Variants in LYRM4 observed in about 807,000 individuals in gnomAD.
LYRM4 encodes the protein LYR motif containing 4.
LYRM4 carries 9 observed loss-of-function variants against 11.7 expected under a neutral mutation model. The observed-to-expected ratio is 0.77, with a 90% CI of 0.46 to 1.34. The LOEUF is 1.34. Ranked by LOEUF, LYRM4 falls within the 40% of genes most tolerant of loss-of-function variation. The pLI is 0.00. For missense variants in LYRM4, 133 were observed against 112.5 expected (o/e 1.18, Z -0.82); for synonymous variants, 42 against 40.4 (o/e 1.04, Z -0.15).
chr6:5,043,522 A>C, the LYRM4 span: 1 of 152,292 alleles, frequency 6.6e-6, no homozygotes, highest in African/African-American at 2.4e-5. Flanking sequence ...TTTGATGTTA[A>C]AGTGTCACAG....
chr6:5,115,586 C>T (rs1763082482), intron 2 of LYRM4, among the ~76,000 whole-genome samples: 1 of 152,112 alleles, frequency 6.6e-6, no homozygotes, highest in East Asian at 1.9e-4. Flanking sequence ...GGGTGCCCTC[C>T]CGTAAGGCAT....
At chr6:5,048,074 T>A in the LYRM4 span, among the ~76,000 whole-genome samples, 1 of 152,234 alleles carries the variant, frequency 6.6e-6, no homozygotes, top group Non-Finnish European at 1.5e-5. Flanking sequence ...TAATCTCTCT[T>A]AGCCTCAATG....
At chr6:5,252,463 G>A (rs186786266) in intron 1 of LYRM4, among the ~76,000 whole-genome samples, 22 of 152,188 alleles carry the variant, frequency 1.4e-4, no homozygotes, top group African/African-American at 4.1e-4. Flanking sequence ...AATTACCCAC[G>A]TCTGGTTCTG....
At chr6:5,183,523 A>G (rs925679765) in intron 2 of LYRM4, among the ~76,000 whole-genome samples, 1 of 152,246 alleles carries the variant, frequency 6.6e-6, no homozygotes, top group Admixed American at 6.5e-5. Flanking sequence ...CCAATGCAAT[A>G]AAGTTGGTAA....
the LYRM4 span, among the ~76,000 whole-genome samples, chr6:5,074,073 TA>T: frequency 6.6e-6 from 1 of 152,148 alleles, no homozygotes; most frequent in Non-Finnish European, 1.5e-5. Flanking sequence ...ATCTGCTCCT[TA>T]TTTGTCCCTA....
At chr6:5,048,842 A>G in the LYRM4 span, among the ~76,000 whole-genome samples, 109 of 152,308 alleles carry the variant, frequency 7.2e-4, 1 homozygote, top group African/African-American at 2.5e-3. Flanking sequence ...GAATGGGGCA[A>G]TGGGAAGGGA....
At chr6:5,186,323 G>A (rs530862465) in intron 2 of LYRM4, among the ~76,000 whole-genome samples, 5 of 152,302 alleles carry the variant, frequency 3.3e-5, no homozygotes, top group African/African-American at 9.6e-5. Flanking sequence ...AGAGGAAAAC[G>A]TGGTAACTCG....
At chr6:5,176,758 T>C (rs1454119095) in intron 2 of LYRM4, among the ~76,000 whole-genome samples, 1 of 152,238 alleles carries the variant, frequency 6.6e-6, no homozygotes, top group Non-Finnish European at 1.5e-5. Flanking sequence ...CAGCTGATTA[T>C]CTGTTTCTTT....
chr6:5,192,889 G>A (rs2746224), intron 2 of LYRM4, among the ~76,000 whole-genome samples: 41,523 of 152,070 alleles, frequency 0.27, 6,096 homozygotes, highest in African/African-American at 0.39. Flanking sequence ...AGCCAGGCTT[G>A]GTGGTGCATG....
intron 2 of LYRM4, chr6:5,136,960 C>A: frequency 2.2e-6 from 1 of 451,604 alleles, no homozygotes; most frequent in Non-Finnish European, 2.9e-6. Context: ...TTCATTACCC[C>A]CAAGGAAACA....
intron 2 of LYRM4, among the ~76,000 whole-genome samples, chr6:5,177,081 G>A (rs1759761486): frequency 6.6e-6 from 1 of 152,156 alleles, no homozygotes; most frequent in Non-Finnish European, 1.5e-5. Context: ...CAATAGGAAG[G>A]GAAAATATGG....
Position 5,256,119 on chromosome 6 carries a change from T to C in LYRM4, c.86+4529A>G, listed in dbSNP as rs530650797. On this transcript the variant is annotated intron_variant, in intron 1 of 2. Transcript: ENST00000330636. ...TCCTAGTTTAAGGTGAGAAAATTAG[T>C]GGCTACGGATGCTATTCTAGGGAAC... Among the ~76,000 whole-genome samples the C allele has an allele frequency of 5.3e-5, 8 of 152,006 alleles. No homozygotes were observed. In the East Asian group the frequency reaches 1.6e-3, roughly 30 times the overall value.
chr6:5,144,137 C>T, intron 2 of LYRM4: 1 of 1,536,412 alleles, frequency 6.5e-7, no homozygotes, highest in Non-Finnish European at 8.7e-7. Flanking sequence ...AGAATGCTCA[C>T]CAGCTCTGTG....
intron 2 of LYRM4, among the ~76,000 whole-genome samples, chr6:5,170,087 T>C (rs763039759): frequency 6.6e-6 from 1 of 152,174 alleles, no homozygotes; most frequent in Admixed American, 6.5e-5. Context: ...TTGGCTACAG[T>C]GTACAGTGTT....
chr6:5,245,104 AAAAAAAAAAAT>A (rs1764090783), intron 1 of LYRM4, among the ~76,000 whole-genome samples: 9 of 57,102 alleles, frequency 1.6e-4, no homozygotes, highest in African/African-American at 5.2e-4. Flanking sequence ...AAAAAAAAAA[AAAAAAAAAAAT>A]ATATATATAT....
At chr6:5,121,793 C>A (rs1763468395) in intron 2 of LYRM4, among the ~76,000 whole-genome samples, 1 of 152,262 alleles carries the variant, frequency 6.6e-6, no homozygotes, top group Non-Finnish European at 1.5e-5. Flanking sequence ...TGTCCCTGAA[C>A]TCTGCTTCAT....
chr6:5,205,098 A>G (rs905825382), intron 2 of LYRM4, among the ~76,000 whole-genome samples: 2 of 152,250 alleles, frequency 1.3e-5, no homozygotes, highest in African/African-American at 4.8e-5. Flanking sequence ...AATCCTCTGG[A>G]AGCTCACAGG....
chr6:5,180,438 C>T (rs1374968281), intron 2 of LYRM4, among the ~76,000 whole-genome samples: 1 of 152,200 alleles, frequency 6.6e-6, no homozygotes, highest in Admixed American at 6.5e-5. Context: ...CCTGGCTCTA[C>T]ACAGGCCCTA....
intron 2 of LYRM4, among the ~76,000 whole-genome samples, chr6:5,125,685 G>C (rs891195488): frequency 6.6e-6 from 1 of 152,196 alleles, no homozygotes; most frequent in Non-Finnish European, 1.5e-5. Context: ...GGGACAAGAC[G>C]TTCTAATGTA....
Sources: gnomAD v4.1 joint callset for allele counts (sites outside exome capture counted in the v4.1 genomes callset) on GRCh38, gnomAD v4.1.1 for gene constraint, MANE v1.5 for transcripts, NCBI Gene and HGNC (gene_info 2026-07-23, HGNC 2026-07-21) for gene names.